The following LRRFIP1 variants were observed in gnomAD, a reference collection of about 807,000 sequenced individuals.
LRRFIP1 encodes leucine-rich repeat flightless-interacting protein 1.
LRRFIP1 carries 62 observed loss-of-function variants against 104.4 expected under a neutral mutation model. The observed-to-expected ratio is 0.59, with a 90% CI of 0.48 to 0.73. The LOEUF is 0.73. Among genes scored for constraint, LRRFIP1 ranks in the 30% least tolerant of loss-of-function variants. The pLI, the probability that LRRFIP1 is intolerant of heterozygous loss-of-function variation, is 0.00. For synonymous variants in LRRFIP1, 300 were observed against 299.0 expected (o/e 1.00, Z -0.03); for missense variants, 796 against 824.5 (o/e 0.97, Z 0.42).
intron 2 of LRRFIP1, among the ~76,000 whole-genome samples, chr2:237,710,143 C>G (rs7575266): frequency 0.33 from 50,441 of 151,936 alleles, 10,275 homozygotes; most frequent in African/African-American, 0.58. Context: ...TTACAGGCAT[C>G]AGCCACCACA....
chr2:237,774,825 C>T (rs540328570), intron 23 of LRRFIP1, among the ~76,000 whole-genome samples: 8 of 152,240 alleles, frequency 5.3e-5, no homozygotes, highest in Non-Finnish European at 1.0e-4. Context: ...CATGGGCCTG[C>T]TGTGGCCAAG....
chr2:237,749,192 G>T lies in LRRFIP1; in HGVS notation c.670-7G>T. The T allele has an allele frequency of 6.2e-7, 1 of 1,612,022 alleles. No homozygotes were observed. The highest frequency in any genetic ancestry group is 8.5e-7 in the Non-Finnish European group (1 of 1,179,650). On this transcript the variant is annotated splice_polypyrimidine_tract_variant and splice_region_variant and intron_variant, in intron 12 of 23. Coordinates refer to ENST00000308482, the MANE Select transcript of LRRFIP1 (RefSeq NM_001137550.2). ...CATATCAGCATGTGATCCTCTCAAC[G>T]TTCCAGGGGTCTCGTAACATGCCGG... is the stretch of plus-strand genomic sequence containing the variant.
At chr2:237,775,926 CTCTT>C (rs766453354) in intron 23 of LRRFIP1, among the ~76,000 whole-genome samples, 6 of 151,690 alleles carry the variant, frequency 4.0e-5, no homozygotes, top group Non-Finnish European at 8.8e-5. Context: ...CATTTCTCTC[CTCTT>C]TATTTTATTT....
rs141103674 is a variant in LRRFIP1 at position 237,760,620 on chromosome 2, G to A, written c.1459+415G>A. On this transcript the variant is annotated intron_variant, in intron 19 of 23. Transcript: ENST00000308482. ...TCAAAAGATCAGAATGGTTGAGGCC[G>A]TCAAGTCAGTTGGCCATATTTGCAA... Among the ~76,000 whole-genome samples, 797 of 152,310 alleles carry A rather than the reference G, an allele frequency of 5.2e-3. 6 individuals are homozygous for A. Among genetic ancestry groups the A allele is most frequent in the African/African-American group, 0.018 (768 of 41,582 alleles).
In LRRFIP1 at chr2:237,712,015, C is replaced by A. The variant is rs560659078; in HGVS notation, c.184-2244C>A. On this transcript the variant is annotated intron_variant, in intron 2 of 23. Transcript: ENST00000308482. ...TTCTTCAAAAGAGGGATCGAAAGAT[C>A]TTAAATAAGATAGATGTGTATTTCG... Among the ~76,000 whole-genome samples, 27 of 152,312 alleles carry A rather than the reference C, an allele frequency of 1.8e-4. No individual in the cohort carries two copies. The South Asian group carries it at 5.6e-3, about 32-fold the overall frequency.
intron 10 of LRRFIP1, 34 bp from the exon 11 acceptor site, chr2:237,739,198 T>C: frequency 6.5e-7 from 1 of 1,543,732 alleles, no homozygotes; most frequent in Non-Finnish European, 8.8e-7. Context: ...CCTTTGTTTC[T>C]GGCTGCGTGT....
chr2:237,662,331 T>C (rs2088167441), intron 1 of LRRFIP1, among the ~76,000 whole-genome samples: 1 of 152,216 alleles, frequency 6.6e-6, no homozygotes, highest in Non-Finnish European at 1.5e-5. Flanking sequence ...AAAAAGCCTA[T>C]GTCCAAATAA....
Position 237,720,762 on chromosome 2 carries a change from C to T in LRRFIP1, c.295-10C>T, listed in dbSNP as rs1163644914. On this transcript the variant is annotated splice_polypyrimidine_tract_variant and intron_variant, in intron 5 of 23. Coordinates refer to ENST00000308482, the MANE Select transcript of LRRFIP1 (RefSeq NM_001137550.2). ...TCCTTCACGGTTGTTCTCGTCCTTT[C>T]TTTTAATAGGCTTCTGATGAAGACG... is the stretch of plus-strand genomic sequence containing the variant. 4 of 1,613,500 alleles carry T rather than the reference C, an allele frequency of 2.5e-6. No homozygotes were observed. In the African/African-American group the frequency reaches 5.3e-5, roughly 22 times the overall value.
At chr2:237,686,694 G>A (rs1575473372) in intron 1 of LRRFIP1, among the ~76,000 whole-genome samples, 1 of 152,222 alleles carries the variant, frequency 6.6e-6, no homozygotes, top group Admixed American at 6.5e-5. Context: ...GAGCTGTTGT[G>A]GATGCTGGAG....
intron 2 of LRRFIP1, 49 bp downstream of exon 2, chr2:237,708,679 TGGGCCCAGGGTGCAAGTGC>T (rs762972243): frequency 9.5e-5 from 148 of 1,554,670 alleles, no homozygotes; most frequent in Middle Eastern, 1.7e-4. Flanking sequence ...ATTTGCGTGC[TGGGCCCAGGGTGCAAGTGC>T]AGGCACCTGT....
At chr2:237,733,959 G>A in intron 9 of LRRFIP1, 141 bp downstream of exon 9, 1 of 842,926 alleles carries the variant, frequency 1.2e-6, no homozygotes. Context: ...ACATGTGCCA[G>A]TGGGGAATGT....
chr2:237,765,308 C>T (rs7591003), intron 19 of LRRFIP1: 10 of 201,200 alleles, frequency 5.0e-5, no homozygotes, highest in Non-Finnish European at 7.0e-5. Flanking sequence ...AATGTTTTCA[C>T]GCCTGTAAAC....
rs538238078 is a variant in LRRFIP1 at position 237,661,039 on chromosome 2, C to G, written c.96+33299C>G. Among the ~76,000 whole-genome samples the G allele has an allele frequency of 1.7e-4, 26 of 152,318 alleles. No individual in the cohort carries two copies. Among genetic ancestry groups the G allele is most frequent in the African/African-American group, 5.8e-4 (24 of 41,582 alleles). On this transcript the variant is annotated intron_variant, in intron 1 of 23. Coordinates refer to ENST00000308482, the MANE Select transcript of LRRFIP1 (RefSeq NM_001137550.2). This position sits in a 1 kb window ranked among gnomAD's most constrained non-coding sequence, Gnocchi z 4.4. ...GCCTGGCTCCAGAGGCACGCAGTCC[C>G]TGTGCCCCGAGAAACTAACATGCCA...
chr2:237,772,424 C>T (rs529938550), intron 21 of LRRFIP1: 6 of 505,886 alleles, frequency 1.2e-5, no homozygotes, highest in African/African-American at 7.6e-5. Context: ...ACCAAGATAC[C>T]ACCACATGTT....
At chr2:237,695,910 C>T (rs180975264) in intron 1 of LRRFIP1, among the ~76,000 whole-genome samples, 49 of 152,206 alleles carry the variant, frequency 3.2e-4, no homozygotes, top group Admixed American at 5.9e-4. Flanking sequence ...TTCAAAATTG[C>T]CATGTATTTG....
intron 7 of LRRFIP1, among the ~76,000 whole-genome samples, chr2:237,724,808 T>A (rs1255846372): frequency 2.6e-5 from 4 of 151,314 alleles, no homozygotes; most frequent in Admixed American, 2.0e-4. Context: ...CATTTTGGAT[T>A]TTTTTTTTCG....
intron 3 of LRRFIP1, among the ~76,000 whole-genome samples, chr2:237,716,478 T>C (rs2094336059): frequency 6.6e-6 from 1 of 152,246 alleles, no homozygotes; most frequent in Non-Finnish European, 1.5e-5. Context: ...TCCAATTTTC[T>C]ACTTACTGTC....
At chr2:237,696,323 C>A (rs1353672544) in intron 1 of LRRFIP1, among the ~76,000 whole-genome samples, 1 of 152,064 alleles carries the variant, frequency 6.6e-6, no homozygotes, top group Non-Finnish European at 1.5e-5. Flanking sequence ...AGTGGGCTTT[C>A]CCTGTGGGTT....
At chr2:237,666,995 C>A (rs1325218630) in intron 1 of LRRFIP1, among the ~76,000 whole-genome samples, 3 of 150,562 alleles carry the variant, frequency 2.0e-5, no homozygotes, top group African/African-American at 7.3e-5. Context: ...AAAGCATTTT[C>A]ACAGATAGCT....
Sources: allele counts gnomAD v4.1 joint callset (sites outside exome capture counted in the v4.1 genomes callset), GRCh38; gene constraint gnomAD v4.1.1; non-coding constraint Gnocchi (gnomAD v3.1); transcripts MANE v1.5; gene names NCBI Gene and HGNC (gene_info 2026-07-23, HGNC 2026-07-21).